The following CAMTA1 variants were observed in gnomAD, a reference collection of about 807,000 sequenced individuals.
CAMTA1 encodes calmodulin binding transcription activator 1.
Under a neutral mutation model 170.9 loss-of-function variants are expected in CAMTA1, and 27 were observed. The ratio of observed to expected loss-of-function variants is 0.16; its 90% CI spans 0.12 to 0.22. The LOEUF (loss-of-function observed/expected upper bound fraction) is 0.22. Among genes scored for constraint, CAMTA1 ranks in the 10% least tolerant of loss-of-function variants. The probability of loss-of-function intolerance (pLI) is 1.00; values close to 1 mark genes in which losing one functional copy is unlikely to be tolerated. For missense variants in CAMTA1, 1,619 were observed against 2,217.2 expected, an observed-to-expected ratio of 0.73 and a Z score of 5.42; for synonymous variants, 833 against 891.5, an observed-to-expected ratio of 0.93 and a Z score of 1.17.
intron 5 of CAMTA1, among the ~76,000 whole-genome samples, chr1:7,351,663 C>T (rs183672283): frequency 1.3e-5 from 2 of 152,268 alleles, no homozygotes; most frequent in African/African-American, 2.4e-5. Context: ...CATTTTCTGT[C>T]GAGGGCATCG....
At chr1:7,464,364 T>C (rs888464689) in intron 5 of CAMTA1, among the ~76,000 whole-genome samples, 5 of 152,212 alleles carry the variant, frequency 3.3e-5, no homozygotes, top group African/African-American at 1.2e-4. Context: ...CGCCAGGAGT[T>C]TGTACAACAC....
At chr1:7,604,393 T>C (rs1226536987) in intron 6 of CAMTA1, among the ~76,000 whole-genome samples, 3 of 152,234 alleles carry the variant, frequency 2.0e-5, no homozygotes, top group Non-Finnish European at 4.4e-5. Flanking sequence ...TTATTCTTTT[T>C]TCTCTAAACT....
chr1:7,139,988 G>C (rs1458460545), intron 4 of CAMTA1, among the ~76,000 whole-genome samples: 1 of 152,182 alleles, frequency 6.6e-6, no homozygotes, highest in African/African-American at 2.4e-5. Context: ...TTTACTCTGT[G>C]CCTAAATGCT....
intron 3 of CAMTA1, among the ~76,000 whole-genome samples, chr1:6,927,442 A>G (rs1257075058): frequency 9.2e-5 from 14 of 152,262 alleles, no homozygotes; most frequent in Admixed American, 9.2e-4. Context: ...TGTCCTAACA[A>G]TAGCTGTTTG....
chr1:6,951,242 T>C (rs1422085482), intron 3 of CAMTA1, among the ~76,000 whole-genome samples: 2 of 152,032 alleles, frequency 1.3e-5, no homozygotes, highest in African/African-American at 4.8e-5. Context: ...AGGCCACAGG[T>C]GGGGGATCTG....
rs574868524 is a variant in CAMTA1, at chr1:7,032,117, C to A, written c.235-59187C>A. On this transcript the variant is annotated intron_variant, in intron 3 of 22. Coordinates refer to ENST00000303635, the MANE Select transcript of CAMTA1 (RefSeq NM_015215.4). ...AGTAGCTGGTATTACAGGCACCCAC[C>A]ACCATGTCTAGCTAATTTTTGCATT... Among the ~76,000 whole-genome samples, 3 of 152,234 alleles carry A rather than the reference C, an allele frequency of 2.0e-5. No homozygotes were observed. The South Asian group carries it at 6.2e-4, about 32-fold the overall frequency.
intron 3 of CAMTA1, among the ~76,000 whole-genome samples, chr1:6,910,513 G>A (rs1200877490): frequency 2.6e-5 from 4 of 152,208 alleles, no homozygotes; most frequent in African/African-American, 9.7e-5. Flanking sequence ...GAGGGGAGCA[G>A]GGTGGGGAGG....
chr1:7,012,312 AAGG>A (rs1421494588), intron 3 of CAMTA1, among the ~76,000 whole-genome samples: 2 of 152,026 alleles, frequency 1.3e-5, no homozygotes, highest in African/African-American at 2.4e-5. Context: ...GAGATAATTG[AAGG>A]AGAACTTCCT....
Position 7,663,877 on chromosome 1 carries a change from T to C in CAMTA1, c.1330T>C (p.Phe444Leu), listed in dbSNP as rs145180581. 4 of 1,613,854 alleles carry C rather than the reference T, an allele frequency of 2.5e-6. No homozygotes were observed. In the African/African-American group the frequency reaches 5.3e-5, roughly 22 times the overall value. The part of the protein sequence containing the change: ...AVSSDGHKFA[F>L]PTTGSSESLS... ...GAGCTCTGATGGCCACAAGTTCGCC[T>C]TTCCCACCACGGGCAGCTCGGAGAG... Residue 444 changes from phenylalanine (F) to leucine (L), a missense_variant, in exon 9 of 23, where the codon TTT (phenylalanine) becomes CTT (leucine). By Grantham distance (22) the Phe-to-Leu change is conservative. This residue lies in a region of CAMTA1 where 731 missense variants were observed against 907.6 expected (regional missense o/e 0.81). Transcript: ENST00000303635.
intron 6 of CAMTA1, among the ~76,000 whole-genome samples, chr1:7,486,555 C>G (rs2093620062): frequency 1.3e-5 from 2 of 152,320 alleles, no homozygotes; most frequent in South Asian, 4.1e-4. Flanking sequence ...TGGAGACTTC[C>G]AAGGCTGACG....
intron 5 of CAMTA1, among the ~76,000 whole-genome samples, chr1:7,353,420 T>C (rs2084838442): frequency 8.5e-6 from 1 of 117,870 alleles, no homozygotes; most frequent in South Asian, 2.9e-4. Context: ...CTTTTTTTTT[T>C]TTCTTTCTCT....
intron 4 of CAMTA1, among the ~76,000 whole-genome samples, chr1:7,235,921 C>T (rs1279435010): frequency 6.6e-6 from 1 of 152,170 alleles, no homozygotes; most frequent in Non-Finnish European, 1.5e-5. Flanking sequence ...TTCTCCTTGT[C>T]CTTATTATTC....
At chr1:6,802,615 A>G (rs1643998312) in intron 1 of CAMTA1, among the ~76,000 whole-genome samples, 2 of 152,232 alleles carry the variant, frequency 1.3e-5, no homozygotes, top group Non-Finnish European at 1.5e-5. Context: ...TTGCAGAGAA[A>G]GTGTTCAGTG....
rs184880848 is a variant in CAMTA1, at chr1:7,768,261, G to A, written c.*1770G>A. The A allele has an allele frequency of 2.6e-5, 4 of 152,586 alleles. No individual in the cohort carries two copies. The highest frequency in any genetic ancestry group is 4.8e-5 in the African/African-American group (2 of 41,498). The allele number at this position is 152,586 out of a possible 1,614,324, so 9.5% of individuals were successfully genotyped here. ...AGATGCAGACTGGTCTTTTAGAGAC[G>A]GCATGGTATATTACTATTTCCACAT... On this transcript the variant is annotated 3_prime_UTR_variant, in exon 23 of 23. Coordinates refer to ENST00000303635, the MANE Select transcript of CAMTA1 (RefSeq NM_015215.4).
At chr1:6,954,678 C>T (rs775106020) in intron 3 of CAMTA1, among the ~76,000 whole-genome samples, 4 of 152,164 alleles carry the variant, frequency 2.6e-5, no homozygotes, top group African/African-American at 4.8e-5. Flanking sequence ...GCTCTGAGCT[C>T]GGGGGAGCCC....
chr1:6,803,439 T>C (rs1644129172), intron 1 of CAMTA1, among the ~76,000 whole-genome samples: 1 of 152,116 alleles, frequency 6.6e-6, no homozygotes, highest in Admixed American at 6.5e-5. Context: ...TGATTTTTCA[T>C]GGTAGAAGGA....
At chr1:7,310,202 C>A (rs1180411521) in intron 5 of CAMTA1, among the ~76,000 whole-genome samples, 1 of 152,180 alleles carries the variant, frequency 6.6e-6, no homozygotes, top group Non-Finnish European at 1.5e-5. Flanking sequence ...AATCTAGAAT[C>A]CTGAGTTGAC....
chr1:7,602,080 TTTCC>T (rs757245897), intron 6 of CAMTA1, among the ~76,000 whole-genome samples: 13,300 of 70,768 alleles, frequency 0.19, 1,454 homozygotes, highest in Admixed American at 0.26. Flanking sequence ...TCCAATTTTC[TTTCC>T]TTCCTTCCTT....
Position 7,767,595 on chromosome 1 carries a change from A to G in CAMTA1, c.*1104A>G, listed in dbSNP as rs1229524579. On this transcript the variant is annotated 3_prime_UTR_variant, in exon 23 of 23. Transcript: ENST00000303635. ...TATTTTATTCACAAAGGTCAATAAC[A>G]TGGCAAGATAAAATTATTTGTATAG... The G allele has an allele frequency of 6.5e-6, 1 of 152,806 alleles. No individual in the cohort carries two copies. The highest frequency in any genetic ancestry group is 1.5e-5 in the Non-Finnish European group (1 of 68,038). The allele number at this position is 152,806 out of a possible 1,614,324, so 9.5% of individuals were successfully genotyped here. A position where few individuals can be genotyped will look rare whatever the true frequency, so the allele number is the denominator to read the frequency against.
Sources: allele counts gnomAD v4.1 joint callset (sites outside exome capture counted in the v4.1 genomes callset), GRCh38; gene constraint gnomAD v4.1.1; regional missense constraint gnomAD v4.1.1; transcripts MANE v1.5; gene names NCBI Gene and HGNC (gene_info 2026-07-23, HGNC 2026-07-21).